MAP4K3: variants seen among roughly 807,000 people sequenced by gnomAD.
The protein encoded by MAP4K3 is MAPK/ERK kinase kinase kinase 3.
MAP4K3 carries 94 observed loss-of-function variants against 143.5 expected under a neutral mutation model. The observed-to-expected ratio is 0.65, with a 90% CI of 0.55 to 0.78. The LOEUF (loss-of-function observed/expected upper bound fraction) is 0.78. Ranked by LOEUF, MAP4K3 falls within the 30% of genes least tolerant of loss-of-function variation. The pLI, the probability that MAP4K3 is intolerant of heterozygous loss-of-function variation, is 0.00. For synonymous variants in MAP4K3, 416 were observed against 347.2 expected, an observed-to-expected ratio of 1.20 and a Z score of -2.20; for missense variants, 1,077 against 1,068.1, an observed-to-expected ratio of 1.01 and a Z score of -0.12.
chr2:39,383,392 A>ACGGTAAT (rs1384507572), intron 1 of MAP4K3, among the ~76,000 whole-genome samples: 1 of 133,584 alleles, frequency 7.5e-6, no homozygotes, highest in African/African-American at 2.8e-5. Flanking sequence ...GAAGAGCAAG[A>ACGGTAAT]CGGTAATCAC....
intron 1 of MAP4K3, among the ~76,000 whole-genome samples, chr2:39,382,275 T>A (rs1365635255): frequency 6.6e-6 from 1 of 152,202 alleles, no homozygotes; most frequent in African/African-American, 2.4e-5. Flanking sequence ...AGGTACAATA[T>A]AAAGTGGGTT....
Position 39,249,701 on chromosome 2 carries a change from G to T in MAP4K3, c.*917C>A, listed in dbSNP as rs1680076138. On this transcript the variant is annotated 3_prime_UTR_variant, in exon 34 of 34. Coordinates refer to ENST00000263881, the MANE Select transcript of MAP4K3 (RefSeq NM_003618.4). The stretch of plus-strand genomic sequence containing the variant: ...CTCTATGGAATGTTACAGTTCTTCA[G>T]TGTGATCATATGAAATGTTTAGTGA... The T allele has an allele frequency of 6.6e-6, 1 of 152,594 alleles. No individual in the cohort carries two copies. The highest frequency in any genetic ancestry group is 1.5e-5 in the Non-Finnish European group (1 of 68,006). 9.5% of individuals were successfully genotyped at this position (152,594 alleles called of 1,614,324 possible). A position where few individuals can be genotyped will look rare whatever the true frequency, so the allele number is the denominator to read the frequency against.
chr2:39,428,682 C>CA (rs145652216), intron 1 of MAP4K3, among the ~76,000 whole-genome samples: 7,488 of 147,026 alleles, frequency 0.051, 631 homozygotes, highest in African/African-American at 0.18. Context: ...AACTCTGCCT[C>CA]AAAAAAAAAA....
At chr2:39,423,949 AATTT>A (rs1558350034) in intron 1 of MAP4K3, among the ~76,000 whole-genome samples, 1 of 152,092 alleles carries the variant, frequency 6.6e-6, no homozygotes, top group African/African-American at 2.4e-5. Flanking sequence ...TTGGTTCATC[AATTT>A]TTTTTTTTGA....
At chr2:39,296,471 A>AGATGC (rs1184252681) in intron 16 of MAP4K3, among the ~76,000 whole-genome samples, 2 of 152,252 alleles carry the variant, frequency 1.3e-5, no homozygotes, top group African/African-American at 4.8e-5. Context: ...CAATGCTTTC[A>AGATGC]GATGCTGAAT....
chr2:39,346,177 T>G (rs1220069404), intron 3 of MAP4K3, among the ~76,000 whole-genome samples: 1 of 152,172 alleles, frequency 6.6e-6, no homozygotes, highest in African/African-American at 2.4e-5. Context: ...GTCTTTCTAA[T>G]CCCCCAGAGA....
intron 2 of MAP4K3, among the ~76,000 whole-genome samples, chr2:39,359,143 C>T (rs553254495): frequency 6.6e-6 from 1 of 152,162 alleles, no homozygotes; most frequent in Admixed American, 6.5e-5. Context: ...AGTGGTGGTA[C>T]AGGCATTGGG....
intron 6 of MAP4K3, among the ~76,000 whole-genome samples, chr2:39,336,471 CAAAAAAAAAAAAAAA>C (rs55780656): frequency 3.4e-4 from 13 of 38,664 alleles, no homozygotes; most frequent in South Asian, 1.9e-3. Flanking sequence ...GACTCCATCT[CAAAAAAAAAAAAAAA>C]AAAAAAAAAA....
At chr2:39,258,298 A>C (rs886441661) in intron 31 of MAP4K3, 50 bp downstream of exon 31, 1 of 1,157,446 alleles carries the variant, frequency 8.6e-7, no homozygotes. Flanking sequence ...TTAGCAGATA[A>C]ATTATTTTAA....
chr2:39,280,495 G>T, intron 22 of MAP4K3, 139 bp from the exon 23 acceptor site: 2 of 420,954 alleles, frequency 4.8e-6, no homozygotes, highest in Non-Finnish European at 8.4e-6. Flanking sequence ...ATTTACAGAA[G>T]TAAGTGTAAG....
intron 1 of MAP4K3, among the ~76,000 whole-genome samples, chr2:39,423,841 G>C (rs1242782748): frequency 1.3e-5 from 2 of 152,232 alleles, no homozygotes; most frequent in Admixed American, 6.5e-5. Flanking sequence ...TATACTGATG[G>C]AAACATTTGT....
chr2:39,342,490 TTTTC>T (rs1189894606), intron 4 of MAP4K3, among the ~76,000 whole-genome samples: 1 of 152,212 alleles, frequency 6.6e-6, no homozygotes, highest in Non-Finnish European at 1.5e-5. Flanking sequence ...AAGTAGCTTA[TTTTC>T]TTTATTAAGT....
intron 8 of MAP4K3, among the ~76,000 whole-genome samples, chr2:39,327,370 C>T (rs1683528552): frequency 2.6e-5 from 4 of 152,154 alleles, no homozygotes; most frequent in Admixed American, 2.6e-4. Context: ...AGGAAAGTTA[C>T]CCAAATTCAG....
chr2:39,430,449 AC>A (rs1356727881), intron 1 of MAP4K3, among the ~76,000 whole-genome samples: 19 of 152,186 alleles, frequency 1.2e-4, no homozygotes. Flanking sequence ...ATCTTCCAGA[AC>A]AAAAAAAGAC....
chr2:39,434,680 TA>T (rs1449792787), intron 1 of MAP4K3, among the ~76,000 whole-genome samples: 4 of 152,246 alleles, frequency 2.6e-5, no homozygotes, highest in Non-Finnish European at 4.4e-5. Context: ...ATACAGTCCC[TA>T]ATTGGTTCAA....
intron 2 of MAP4K3, among the ~76,000 whole-genome samples, chr2:39,362,143 A>G (rs1312909317): frequency 1.3e-5 from 2 of 152,148 alleles, no homozygotes; most frequent in Non-Finnish European, 2.9e-5. Flanking sequence ...TCTACTAGAT[A>G]TTATTTTGAA....
chr2:39,406,757 T>C (rs1454233904), intron 1 of MAP4K3, among the ~76,000 whole-genome samples: 2 of 151,866 alleles, frequency 1.3e-5, no homozygotes, highest in Non-Finnish European at 1.5e-5. Flanking sequence ...AAAAAAAGGA[T>C]GCTAATCAGC....
chr2:39,394,416 T>C (rs1033366104), intron 1 of MAP4K3, among the ~76,000 whole-genome samples: 9 of 152,216 alleles, frequency 5.9e-5, no homozygotes, highest in Admixed American at 3.3e-4. Flanking sequence ...AATTCTACTT[T>C]ATCCCAGGTT....
At chr2:39,418,357 A>G (rs978830784) in intron 1 of MAP4K3, among the ~76,000 whole-genome samples, 1 of 152,220 alleles carries the variant, frequency 6.6e-6, no homozygotes, top group African/African-American at 2.4e-5. Flanking sequence ...ATATCCATAC[A>G]TCCATACTAA....
Sources: gnomAD v4.1 joint callset for allele counts (sites outside exome capture counted in the v4.1 genomes callset) on GRCh38, gnomAD v4.1.1 for gene constraint, MANE v1.5 for transcripts, NCBI Gene and HGNC (gene_info 2026-07-23, HGNC 2026-07-21) for gene names.